DEPTOR: variants seen among roughly 807,000 people sequenced by gnomAD.
DEPTOR encodes DEP domain containing MTOR interacting protein, also known as DEP domain-containing mTOR-interacting protein.
In DEPTOR, 41 loss-of-function variants were observed where a neutral mutation model predicts 41.6. The ratio of observed to expected loss-of-function variants is 0.98; its 90% CI spans 0.77 to 1.28. The LOEUF (loss-of-function observed/expected upper bound fraction) is 1.28, where lower values mean the gene tolerates loss of function less well. DEPTOR is among the 50% of genes most tolerant of loss of function. The pLI is 0.00. For missense variants in DEPTOR, 514 were observed against 527.9 expected (o/e 0.97, Z 0.26); for synonymous variants, 195 against 192.3 (o/e 1.01, Z -0.12).
At chr8:120,039,081 G>A (rs553048426) in intron 8 of DEPTOR, among the ~76,000 whole-genome samples, 10 of 152,262 alleles carry the variant, frequency 6.6e-5, no homozygotes, top group East Asian at 1.9e-4. Context: ...CTCTCAAAGC[G>A]ATCAGGTATT....
chr8:119,886,557 G>A (rs1827367826), intron 1 of DEPTOR, among the ~76,000 whole-genome samples: 1 of 151,778 alleles, frequency 6.6e-6, no homozygotes, highest in Admixed American at 6.6e-5. Context: ...ACACATACAG[G>A]AGTCACTCCA....
At chr8:119,994,214 G>A (rs1733851189) in intron 4 of DEPTOR, among the ~76,000 whole-genome samples, 1 of 152,172 alleles carries the variant, frequency 6.6e-6, no homozygotes, top group Admixed American at 6.5e-5. Flanking sequence ...TACTTGGGAG[G>A]CAGAGGCAGG....
chr8:119,887,723 C>A (rs1012639751), intron 1 of DEPTOR, among the ~76,000 whole-genome samples: 2 of 151,000 alleles, frequency 1.3e-5, no homozygotes, highest in Non-Finnish European at 2.9e-5. Context: ...TGGTCTCTAA[C>A]CCCTGACCTG....
At chr8:120,018,757 G>A (rs1812650926) in intron 8 of DEPTOR, among the ~76,000 whole-genome samples, 1 of 152,188 alleles carries the variant, frequency 6.6e-6, no homozygotes, top group African/African-American at 2.4e-5. Flanking sequence ...GGAGGAGCAA[G>A]ATGACCACTT....
intron 1 of DEPTOR, among the ~76,000 whole-genome samples, chr8:119,904,318 C>T (rs1357494752): frequency 6.6e-6 from 1 of 151,790 alleles, no homozygotes; most frequent in Non-Finnish European, 1.5e-5. Context: ...AGGGTTTCAC[C>T]TTGTGGGTCA....
chr8:119,917,324 T>C (rs1030856810), intron 1 of DEPTOR, among the ~76,000 whole-genome samples: 2 of 152,212 alleles, frequency 1.3e-5, no homozygotes, highest in African/African-American at 2.4e-5. Context: ...GAAACATGCT[T>C]CCTTCCTTGT....
At position 119,940,606 on chromosome 8, in the gene DEPTOR, C is replaced by T. The variant is rs916180513; in HGVS notation, c.425+10668C>T. ...ACTGAAAATACAAAAATTAGTCGAG[C>T]GTGGTGGTGGGTGCCTGTAATCTCA... On this transcript the variant is annotated intron_variant, in intron 3 of 8. Coordinates refer to ENST00000286234, the MANE Select transcript of DEPTOR (RefSeq NM_022783.4). 1.2e-4 allele frequency among the ~76,000 whole-genome samples: 18 copies of T among 151,958 alleles called. 1 individual carries two copies. Among genetic ancestry groups the T allele is most frequent in the African/African-American group, 1.9e-4 (8 of 41,380 alleles).
chr8:120,011,521 A>G (rs1812530679), intron 8 of DEPTOR, among the ~76,000 whole-genome samples: 2 of 152,218 alleles, frequency 1.3e-5, no homozygotes, highest in South Asian at 2.1e-4. Context: ...TATTTCCACA[A>G]TAAAGTACCT....
intron 4 of DEPTOR, among the ~76,000 whole-genome samples, chr8:119,998,244 C>A (rs1043512918): frequency 6.6e-6 from 1 of 152,132 alleles, no homozygotes; most frequent in African/African-American, 2.4e-5. Flanking sequence ...ATGCACCATG[C>A]CTGGCTAATT....
chr8:120,039,914 G>A (rs961518054), intron 8 of DEPTOR, among the ~76,000 whole-genome samples: 7 of 152,012 alleles, frequency 4.6e-5, no homozygotes, highest in African/African-American at 1.2e-4. Context: ...GCACAAACTC[G>A]CCTCACTGCA....
At chr8:120,004,030 C>T (rs1289941497) in intron 6 of DEPTOR, among the ~76,000 whole-genome samples, 1 of 152,188 alleles carries the variant, frequency 6.6e-6, no homozygotes, top group African/African-American at 2.4e-5. Flanking sequence ...AGGCTCTGTT[C>T]CTTTTGTTCA....
At chr8:119,893,587 G>A (rs1483240154) in intron 1 of DEPTOR, among the ~76,000 whole-genome samples, 1 of 152,152 alleles carries the variant, frequency 6.6e-6, no homozygotes. Context: ...CCAGCTCTTT[G>A]GGAGACCGCA....
intron 4 of DEPTOR, among the ~76,000 whole-genome samples, chr8:119,998,699 T>G (rs889792522): frequency 6.6e-6 from 1 of 152,010 alleles, no homozygotes; most frequent in Admixed American, 6.6e-5. Context: ...TTCTAAGATA[T>G]AAATGGTATA....
chr8:119,908,376 G>A (rs1034448391), intron 1 of DEPTOR, among the ~76,000 whole-genome samples: 2 of 152,122 alleles, frequency 1.3e-5, no homozygotes, highest in African/African-American at 4.8e-5. Flanking sequence ...ATGGCTTGAG[G>A]CCAGGAGTTC....
intron 4 of DEPTOR, among the ~76,000 whole-genome samples, chr8:119,995,705 T>C (rs1480591155): frequency 6.6e-6 from 1 of 152,218 alleles, no homozygotes; most frequent in Non-Finnish European, 1.5e-5. Context: ...ATGTCTCTTT[T>C]AGCAGGCTTT....
At chr8:119,965,625 T>C (rs1828549361) in intron 4 of DEPTOR, among the ~76,000 whole-genome samples, 2 of 152,172 alleles carry the variant, frequency 1.3e-5, no homozygotes, top group African/African-American at 4.8e-5. Context: ...CCACTGTCTG[T>C]GATGTGTTGT....
intron 1 of DEPTOR, among the ~76,000 whole-genome samples, chr8:119,919,422 T>A (rs1827863036): frequency 6.6e-6 from 1 of 152,170 alleles, no homozygotes; most frequent in African/African-American, 2.4e-5. Context: ...GAAAAGAGAC[T>A]TTTAATTTCA....
chr8:119,887,309 G>A (rs1827380618), intron 1 of DEPTOR, among the ~76,000 whole-genome samples: 2 of 139,944 alleles, frequency 1.4e-5, no homozygotes, highest in South Asian at 4.9e-4. Flanking sequence ...AAGTAGCTGG[G>A]GATTACAGGC....
At chr8:119,887,111 T>TCCCCCCCCCCCC (rs1827374988) in intron 1 of DEPTOR, among the ~76,000 whole-genome samples, 1 of 12,798 alleles carries the variant, frequency 7.8e-5, no homozygotes, top group Non-Finnish European at 1.4e-4. Context: ...CCCCTTCCCC[T>TCCCCCCCCCCCC]CCCCTCCCCC....
Sources: gnomAD v4.1 joint callset for allele counts (sites outside exome capture counted in the v4.1 genomes callset) on GRCh38, gnomAD v4.1.1 for gene constraint, MANE v1.5 for transcripts, NCBI Gene and HGNC (gene_info 2026-07-23, HGNC 2026-07-21) for gene names.